The following EIPR1 variants were observed in gnomAD, a reference collection of about 807,000 sequenced individuals.
EIPR1 encodes EARP and GARP complex-interacting protein 1.
In EIPR1, 25 loss-of-function variants were observed where a neutral mutation model predicts 48.1. The ratio of observed to expected loss-of-function variants is 0.52; its 90% CI spans 0.38 to 0.73. The LOEUF is 0.73. Ranked by LOEUF, EIPR1 falls within the 30% of genes least tolerant of loss-of-function variation. The pLI is 0.00. For synonymous variants in EIPR1, 204 were observed against 201.9 expected (o/e 1.01, Z -0.09); for missense variants, 415 against 506.2 (o/e 0.82, Z 1.73).
intron 4 of EIPR1, among the ~76,000 whole-genome samples, chr2:3,240,347 C>A (rs539690463): frequency 1.4e-5 from 2 of 145,502 alleles, no homozygotes; most frequent in African/African-American, 5.1e-5. Context: ...CTTCCTAAAG[C>A]AAAGCCAGCA....
chr2:3,331,180 T>C (rs1416862223), intron 3 of EIPR1, among the ~76,000 whole-genome samples: 7 of 89,570 alleles, frequency 7.8e-5, no homozygotes, highest in Admixed American at 7.1e-4. Context: ...GAGGCAGGTG[T>C]ACACTCATAT....
intron 2 of EIPR1, among the ~76,000 whole-genome samples, chr2:3,339,066 C>T (rs1013548318): frequency 2.0e-5 from 3 of 152,156 alleles, no homozygotes; most frequent in Admixed American, 6.5e-5. Context: ...AATATTGTGA[C>T]GCCATTTGGT....
At chr2:3,344,847 T>TGGCCA (rs1165489595) in intron 2 of EIPR1, among the ~76,000 whole-genome samples, 1 of 152,056 alleles carries the variant, frequency 6.6e-6, no homozygotes, top group African/African-American at 2.4e-5. Flanking sequence ...TTCATCATAT[T>TGGCCA]GGCCAGGCCA....
Position 3,189,472 on chromosome 2 carries a change from G to C in EIPR1, c.1026C>G (p.Thr342=). 3.2e-6 allele frequency: 5 copies of C among 1,573,576 alleles called. No homozygotes were observed. Among genetic ancestry groups the C allele is most frequent in the Non-Finnish European group, 4.3e-6 (5 of 1,154,674 alleles). Reference sequence around the variant, plus strand: ...AGACGCTGTCCTCGTGCTCCTCGTAGGTGGCGATCACGTTGTCCTGCAGGG... The same window carrying C: ...AGACGCTGTCCTCGTGCTCCTCGTACGTGGCGATCACGTTGTCCTGCAGGG... ...KEPLQDNVIA[T]YEEHEDSVYA... Residue 342 remains threonine, a synonymous_variant, in exon 9 of 9, where the codon ACC becomes ACG. Transcript: ENST00000382125. This position sits in a 1 kb window ranked among gnomAD's most constrained non-coding sequence, Gnocchi z 4.6.
chr2:3,310,190 T>A (rs1479435760), intron 3 of EIPR1, among the ~76,000 whole-genome samples: 2 of 152,144 alleles, frequency 1.3e-5, no homozygotes, highest in Admixed American at 1.3e-4. Flanking sequence ...GAAAACAATG[T>A]TTCCACAGTC....
chr2:3,357,707 G>T (rs145977203), intron 1 of EIPR1, among the ~76,000 whole-genome samples: 1 of 152,166 alleles, frequency 6.6e-6, no homozygotes, highest in Admixed American at 6.5e-5. Flanking sequence ...GGCATCCCTG[G>T]AGTCTCTCTG....
At position 3,274,392 on chromosome 2, in the gene EIPR1, G is replaced by A. The variant is rs149393347; in HGVS notation, c.260-16937C>T. ...AGCTGACTTCCCAAGAGCACCAAAG[G>A]AATCCAGAGACAGCACACAACAAAA... On this transcript the variant is annotated intron_variant, in intron 3 of 8. Coordinates refer to ENST00000382125, the MANE Select transcript of EIPR1 (RefSeq NM_003310.5). 8,456 of 1,550,420 alleles carry A rather than the reference G, an allele frequency of 5.5e-3. 36 individuals carry two copies. Among genetic ancestry groups the A allele is most frequent in the Non-Finnish European group, 6.7e-3 (7,683 of 1,146,944 alleles).
chr2:3,203,722 C>T (rs1474832808), intron 5 of EIPR1, among the ~76,000 whole-genome samples: 3 of 152,234 alleles, frequency 2.0e-5, no homozygotes, highest in Non-Finnish European at 2.9e-5. Context: ...TGACCAGCAC[C>T]GCAGGGCGGG....
intron 3 of EIPR1, among the ~76,000 whole-genome samples, chr2:3,311,613 C>T (rs1669130312): frequency 6.6e-6 from 1 of 152,182 alleles, no homozygotes; most frequent in Non-Finnish European, 1.5e-5. Context: ...CCTACTAACT[C>T]CTGTCTCACC....
intron 1 of EIPR1, among the ~76,000 whole-genome samples, chr2:3,355,979 C>T (rs1297474790): frequency 3.3e-5 from 5 of 152,162 alleles, no homozygotes; most frequent in Admixed American, 2.6e-4. Flanking sequence ...AAAGTTCTAA[C>T]GGTATCTAAA....
At chr2:3,275,966 G>A (rs1667835280) in intron 3 of EIPR1, among the ~76,000 whole-genome samples, 1 of 152,128 alleles carries the variant, frequency 6.6e-6, no homozygotes, top group Non-Finnish European at 1.5e-5. Context: ...TCAAGGCTTT[G>A]GACTCAAAGT....
intron 3 of EIPR1, chr2:3,282,570 C>T (rs1301317179): frequency 3.3e-5 from 5 of 152,262 alleles, no homozygotes; most frequent in Non-Finnish European, 5.9e-5. Context: ...CTACAGACGG[C>T]CGCACGGGCT....
chr2:3,190,574 T>C (rs373344942), intron 8 of EIPR1, among the ~76,000 whole-genome samples: 4 of 152,186 alleles, frequency 2.6e-5, no homozygotes, highest in African/African-American at 9.6e-5. Context: ...TCCCTTCCTA[T>C]CTTGCTCCCA....
At chr2:3,192,337 C>T in intron 8 of EIPR1, 77 bp downstream of exon 8, 3 of 1,468,138 alleles carry the variant, frequency 2.0e-6, no homozygotes, top group South Asian at 1.5e-5. Context: ...TCTACATACA[C>T]AGCCTGGCTC....
intron 3 of EIPR1, among the ~76,000 whole-genome samples, chr2:3,295,595 C>A (rs1458432428): frequency 4.8e-5 from 5 of 104,156 alleles, no homozygotes; most frequent in Non-Finnish European, 9.8e-5. Context: ...CAGCCCTCCT[C>A]TCTCTGCACA....
chr2:3,373,204 T>G (rs1240911609), intron 1 of EIPR1, among the ~76,000 whole-genome samples: 1 of 151,606 alleles, frequency 6.6e-6, no homozygotes, highest in African/African-American at 2.4e-5. Flanking sequence ...AAACTCTCAA[T>G]AAATTAGGTA....
chr2:3,263,694 C>A (rs185115675), intron 3 of EIPR1, among the ~76,000 whole-genome samples: 3 of 152,150 alleles, frequency 2.0e-5, no homozygotes, highest in East Asian at 1.9e-4. Flanking sequence ...GGACGCGGCA[C>A]GGTGCGGCCA....
At chr2:3,376,690 CAAAA>C (rs67873034) in intron 1 of EIPR1, among the ~76,000 whole-genome samples, 5 of 125,008 alleles carry the variant, frequency 4.0e-5, no homozygotes, top group Admixed American at 8.0e-5. Context: ...GACTCCATCT[CAAAA>C]AAAAAAAAAA....
intron 4 of EIPR1, among the ~76,000 whole-genome samples, chr2:3,216,690 G>A (rs1412795194): frequency 2.6e-5 from 4 of 152,130 alleles, no homozygotes; most frequent in African/African-American, 4.8e-5. Flanking sequence ...CAGATTAAAG[G>A]TTTCTGAATC....
Sources: allele counts gnomAD v4.1 joint callset (sites outside exome capture counted in the v4.1 genomes callset), GRCh38; gene constraint gnomAD v4.1.1; non-coding constraint Gnocchi (gnomAD v3.1); transcripts MANE v1.5; gene names NCBI Gene and HGNC (gene_info 2026-07-23, HGNC 2026-07-21).